NTM: variants seen among roughly 807,000 people sequenced by gnomAD.
NTM encodes IgLON family member 2.
A neutral mutation model predicts 42.1 loss-of-function variants in NTM; 13 were observed. That is an observed-to-expected ratio of 0.31 (90% CI 0.20 to 0.49). The LOEUF is 0.49. Ranked by LOEUF, NTM falls within the 20% of genes least tolerant of loss-of-function variation. The pLI is 0.99. For synonymous variants in NTM, 187 were observed against 179.2 expected (o/e 1.04, Z -0.35); for missense variants, 373 against 452.8 (o/e 0.82, Z 1.60).
intron 7 of NTM, among the ~76,000 whole-genome samples, chr11:132,319,662 C>T (rs1420916802): frequency 6.6e-6 from 1 of 152,258 alleles, no homozygotes; most frequent in Non-Finnish European, 1.5e-5. Context: ...CTCCAGGAGG[C>T]CTGCCTGCCT....
At chr11:131,387,295 G>GCTCT (rs142715982) in intron 1 of NTM, among the ~76,000 whole-genome samples, 4 of 148,808 alleles carry the variant, frequency 2.7e-5, no homozygotes, top group South Asian at 4.3e-4. Flanking sequence ...CTTTCTTGGA[G>GCTCT]CTCTCTCTCT....
At chr11:132,113,916 C>T (rs1264996416) in intron 2 of NTM, among the ~76,000 whole-genome samples, 1 of 152,180 alleles carries the variant, frequency 6.6e-6, no homozygotes, top group Non-Finnish European at 1.5e-5. Context: ...ATGGCTGCTC[C>T]ATGCTGATTC....
intron 1 of NTM, among the ~76,000 whole-genome samples, chr11:131,559,208 C>T (rs1169219363): frequency 6.6e-6 from 1 of 152,336 alleles, no homozygotes; most frequent in East Asian, 1.9e-4. Flanking sequence ...ACTCCAGGAT[C>T]ACACATTTCC....
chr11:131,535,555 G>C (rs187954321), intron 1 of NTM: 2 of 152,142 alleles, frequency 1.3e-5, no homozygotes. Context: ...ATGGCATAAA[G>C]GTTCTTATGA....
At chr11:131,937,903 G>C (rs1329904116) in intron 2 of NTM, among the ~76,000 whole-genome samples, 2 of 152,202 alleles carry the variant, frequency 1.3e-5, no homozygotes, top group African/African-American at 4.8e-5. Context: ...CACGTAGCAA[G>C]TCCTCTGAAC....
At chr11:132,204,958 C>A (rs951072778) in intron 3 of NTM, among the ~76,000 whole-genome samples, 59 of 152,190 alleles carry the variant, frequency 3.9e-4, no homozygotes, top group African/African-American at 1.4e-3. Context: ...CTGGGTTGGA[C>A]ATTCATGCAC....
chr11:132,270,840 A>G (rs2093443828), intron 4 of NTM, among the ~76,000 whole-genome samples: 1 of 152,250 alleles, frequency 6.6e-6, no homozygotes, highest in African/African-American at 2.4e-5. Flanking sequence ...GTGTATTACA[A>G]TTAACTAATT....
chr11:131,395,783 T>A (rs1381950371), intron 1 of NTM, among the ~76,000 whole-genome samples: 1 of 152,184 alleles, frequency 6.6e-6, no homozygotes, highest in Non-Finnish European at 1.5e-5. Context: ...GTCTGGCTGA[T>A]TTCCTCTGTT....
intron 1 of NTM, among the ~76,000 whole-genome samples, chr11:131,881,276 A>G (rs2049432195): frequency 6.6e-6 from 1 of 152,318 alleles, no homozygotes; most frequent in South Asian, 2.1e-4. Context: ...ATAGGCAAAT[A>G]GAACTTTTCC....
chr11:131,890,156 GTC>G (rs371353789), intron 1 of NTM, among the ~76,000 whole-genome samples: 43 of 54,700 alleles, frequency 7.9e-4, no homozygotes, highest in East Asian at 3.7e-3. Flanking sequence ...CTCTCTCTCT[GTC>G]TCTCTCTCTC....
intron 3 of NTM, among the ~76,000 whole-genome samples, chr11:132,148,973 A>G (rs2071229868): frequency 6.6e-6 from 1 of 152,168 alleles, no homozygotes; most frequent in Non-Finnish European, 1.5e-5. Flanking sequence ...ATCTTGGGCT[A>G]ATTTTCGAAT....
At chr11:131,932,876 G>T (rs1419636187) in intron 2 of NTM, among the ~76,000 whole-genome samples, 1 of 152,148 alleles carries the variant, frequency 6.6e-6, no homozygotes. Flanking sequence ...CAATTTAACT[G>T]CCCGGGACAC....
At chr11:131,883,252 C>T (rs994853151) in intron 1 of NTM, among the ~76,000 whole-genome samples, 2 of 152,192 alleles carry the variant, frequency 1.3e-5, no homozygotes, top group South Asian at 2.1e-4. Context: ...AGTCAAAACA[C>T]GAATATTTCA....
At chr11:132,231,868 C>G (rs2087640740) in intron 4 of NTM, among the ~76,000 whole-genome samples, 1 of 151,768 alleles carries the variant, frequency 6.6e-6, no homozygotes, top group Admixed American at 6.6e-5. Context: ...TGATATTAAA[C>G]ATCAGCTCTG....
At chr11:131,609,999 T>G (rs1159144616) in intron 1 of NTM, among the ~76,000 whole-genome samples, 1 of 152,188 alleles carries the variant, frequency 6.6e-6, no homozygotes, top group Admixed American at 6.5e-5. Context: ...GTTTGAGTCA[T>G]TTGCACAGTT....
intron 1 of NTM, among the ~76,000 whole-genome samples, chr11:131,863,267 G>A (rs1188409193): frequency 6.6e-6 from 1 of 152,210 alleles, no homozygotes; most frequent in African/African-American, 2.4e-5. Context: ...CTGGCACCCT[G>A]ATGGTGCTCC....
chr11:132,217,338 TTC>T (rs3066163), intron 4 of NTM, among the ~76,000 whole-genome samples: 18 of 147,100 alleles, frequency 1.2e-4, no homozygotes, highest in Non-Finnish European at 1.2e-4. Context: ...TTGTGCCTCT[TTC>T]TCTCTCTCTC....
chr11:131,538,899 G>A (rs2052708002), intron 1 of NTM, among the ~76,000 whole-genome samples: 1 of 145,496 alleles, frequency 6.9e-6, no homozygotes, highest in South Asian at 2.2e-4. Flanking sequence ...AGTATGTGAA[G>A]GGATTGGGCA....
intron 1 of NTM, among the ~76,000 whole-genome samples, chr11:131,850,405 A>G (rs1473745642): frequency 6.6e-6 from 1 of 152,186 alleles, no homozygotes; most frequent in Non-Finnish European, 1.5e-5. Flanking sequence ...CTCTGATGAT[A>G]CAGTGCTAAG....
Sources: allele counts gnomAD v4.1 joint callset (sites outside exome capture counted in the v4.1 genomes callset), GRCh38; gene constraint gnomAD v4.1.1; transcripts MANE v1.5; gene names NCBI Gene and HGNC (gene_info 2026-07-23, HGNC 2026-07-21).